RBFOX1: variants seen among roughly 807,000 people sequenced by gnomAD.
The protein encoded by RBFOX1 is RNA binding protein fox-1 homolog 1.
Under a neutral mutation model 57.7 loss-of-function variants are expected in RBFOX1, and 8 were observed. That is an observed-to-expected ratio of 0.14 (90% CI 0.08 to 0.25). The LOEUF (loss-of-function observed/expected upper bound fraction) is 0.25, where lower values mean the gene tolerates loss of function less well. Ranked by LOEUF, RBFOX1 falls within the 10% of genes least tolerant of loss-of-function variation. The probability of loss-of-function intolerance (pLI) is 1.00; values close to 1 mark genes in which losing one functional copy is unlikely to be tolerated. For synonymous variants in RBFOX1, 326 were observed against 222.4 expected, an observed-to-expected ratio of 1.47 and a Z score of -4.15; for missense variants, 611 against 548.5, an observed-to-expected ratio of 1.11 and a Z score of -1.14.
chr16:6,986,946 G>C (rs768866166), intron 3 of RBFOX1, among the ~76,000 whole-genome samples: 1 of 152,138 alleles, frequency 6.6e-6, no homozygotes, highest in African/African-American at 2.4e-5. Flanking sequence ...CACCCCGCCT[G>C]CATTCCCTAC....
At chr16:7,423,005 G>C (rs548068349) in intron 4 of RBFOX1, 14 of 152,052 alleles carry the variant, frequency 9.2e-5, no homozygotes, top group East Asian at 3.9e-4. Context: ...ACCCAACCTC[G>C]TGCCGGCTGG....
At chr16:5,244,785 G>A (rs2062255455) in intron 1 of RBFOX1, among the ~76,000 whole-genome samples, 1 of 152,182 alleles carries the variant, frequency 6.6e-6, no homozygotes, top group Admixed American at 6.5e-5. Context: ...GTTGGTGGAC[G>A]GTCCTTTGAG....
chr16:6,374,293 G>T (rs1165902156), intron 2 of RBFOX1, among the ~76,000 whole-genome samples: 1 of 152,122 alleles, frequency 6.6e-6, no homozygotes, highest in Non-Finnish European at 1.5e-5. Context: ...TGGAATAAGG[G>T]TTACACCACA....
intron 3 of RBFOX1, among the ~76,000 whole-genome samples, chr16:5,645,728 C>T (rs1255004065): frequency 3.9e-5 from 6 of 152,180 alleles, no homozygotes. Flanking sequence ...TGCAGCGGTG[C>T]AATCAGAGCT....
In RBFOX1 at chr16:7,595,611, C is replaced by T. The variant is rs1193035983; in HGVS notation, c.531C>T (p.His177=). 8.9e-6 allele frequency: 14 copies of T among 1,575,990 alleles called. No homozygotes were observed. The highest frequency in any genetic ancestry group is 2.4e-5 in the South Asian group (2 of 83,766). The part of the protein sequence containing the change: ...ADADRAREKL[H]GTVVEGRKIE... ...CGGACAGGGCGAGGGAGAAATTACA[C>T]GGCACCGTGGTAGAGGGCCGTAAAA... The change falls in exon 8 of 16, where the codon CAC becomes CAT. Residue 177 remains histidine, a synonymous_variant. Coordinates refer to ENST00000550418, the MANE Select transcript of RBFOX1 (RefSeq NM_018723.4).
At chr16:6,993,888 A>G (rs1476304212) in intron 3 of RBFOX1, among the ~76,000 whole-genome samples, 2 of 152,230 alleles carry the variant, frequency 1.3e-5, no homozygotes, top group East Asian at 3.9e-4. Context: ...CTCAGGGACA[A>G]CATTAATGTA....
At chr16:6,732,336 C>A (rs139218760) in intron 3 of RBFOX1, among the ~76,000 whole-genome samples, 2 of 152,140 alleles carry the variant, frequency 1.3e-5, no homozygotes, top group African/African-American at 4.8e-5. Flanking sequence ...CAGATTCTCA[C>A]GAGAGAGTGA....
chr16:5,707,960 G>C (rs557128753), intron 3 of RBFOX1, among the ~76,000 whole-genome samples: 2 of 152,270 alleles, frequency 1.3e-5, no homozygotes, highest in African/African-American at 4.8e-5. Flanking sequence ...TCACTAGGTA[G>C]GGACCATAAT....
chr16:6,500,724 GACA>G, intron 2 of RBFOX1, among the ~76,000 whole-genome samples: 1 of 152,052 alleles, frequency 6.6e-6, no homozygotes, highest in East Asian at 1.9e-4. Context: ...ATCAACACTT[GACA>G]ACATCTTGAC....
chr16:6,193,027 A>G (rs879659435), intron 1 of RBFOX1, among the ~76,000 whole-genome samples: 5 of 152,140 alleles, frequency 3.3e-5, no homozygotes, highest in Non-Finnish European at 7.4e-5. Context: ...GAGAATGTTT[A>G]TCTTTGTTCC....
chr16:7,039,627 G>T (rs796481447), intron 3 of RBFOX1, among the ~76,000 whole-genome samples: 3 of 152,116 alleles, frequency 2.0e-5, no homozygotes, highest in Non-Finnish European at 4.4e-5. Context: ...CGCCATGACC[G>T]GTGGTGGGAT....
chr16:7,156,870 A>G (rs1056298941), intron 4 of RBFOX1, among the ~76,000 whole-genome samples: 2 of 152,174 alleles, frequency 1.3e-5, no homozygotes, highest in African/African-American at 4.8e-5. Context: ...CTTTTCATAG[A>G]TATTGCTAAT....
At chr16:5,301,473 GC>G (rs564761217) in intron 1 of RBFOX1, among the ~76,000 whole-genome samples, 63 of 152,140 alleles carry the variant, frequency 4.1e-4, no homozygotes, top group African/African-American at 1.5e-3. Context: ...CAAAAAATTA[GC>G]CAAGTGTGGT....
At chr16:7,011,051 T>C (rs2093630508) in intron 3 of RBFOX1, among the ~76,000 whole-genome samples, 1 of 150,192 alleles carries the variant, frequency 6.7e-6, no homozygotes. Flanking sequence ...CCTTGCCTTT[T>C]AATTGAAAGC....
Position 6,662,417 on chromosome 16 carries a change from TATCTC to T in RBFOX1, c.-16+7769_-16+7773del, listed in dbSNP as rs548030612. ...ATATGCAATTTTTGTTTTTCAGTTT[TATCTC>T]AATACAGTTAGGGAGAAAAAGAGAG... is the stretch of plus-strand genomic sequence containing the variant. On this transcript the variant is annotated intron_variant, in intron 3 of 15. Transcript: ENST00000550418. Among the ~76,000 whole-genome samples, 422 of 152,300 alleles carry T rather than the reference TATCTC, an allele frequency of 2.8e-3. 3 individuals carry two copies. The highest frequency in any genetic ancestry group is 9.5e-3 in the African/African-American group (395 of 41,564).
intron 2 of RBFOX1, among the ~76,000 whole-genome samples, chr16:6,652,036 T>C (rs2098600490): frequency 6.6e-6 from 1 of 152,218 alleles, no homozygotes; most frequent in South Asian, 2.1e-4. Flanking sequence ...GTAAAATTCA[T>C]ATACTGAAGT....
chr16:6,035,585 C>G (rs1480782523), intron 1 of RBFOX1, among the ~76,000 whole-genome samples: 1 of 152,066 alleles, frequency 6.6e-6, no homozygotes, highest in African/African-American at 2.4e-5. Flanking sequence ...CTGCATTTTC[C>G]TTTGGTGTTC....
At chr16:7,065,288 A>G (rs1270529591) in intron 4 of RBFOX1, among the ~76,000 whole-genome samples, 2 of 152,098 alleles carry the variant, frequency 1.3e-5, no homozygotes, top group African/African-American at 4.8e-5. Flanking sequence ...TGGTCCTTTT[A>G]GGGATGATCT....
At chr16:6,814,126 A>T (rs575610764) in intron 3 of RBFOX1, among the ~76,000 whole-genome samples, 6 of 152,234 alleles carry the variant, frequency 3.9e-5, no homozygotes, top group Admixed American at 3.9e-4. Flanking sequence ...TAGGGAGCTT[A>T]TTTAAAACTC....
Sources: gnomAD v4.1 joint callset for allele counts (sites outside exome capture counted in the v4.1 genomes callset) on GRCh38, gnomAD v4.1.1 for gene constraint, MANE v1.5 for transcripts, NCBI Gene and HGNC (gene_info 2026-07-23, HGNC 2026-07-21) for gene names.